Variants in RIMS2 observed in about 807,000 individuals in gnomAD.
The protein encoded by RIMS2 is regulating synaptic membrane exocytosis 2, also known as regulating synaptic membrane exocytosis protein 2.
A neutral mutation model predicts 174.4 loss-of-function variants in RIMS2; 59 were observed. The observed-to-expected ratio is 0.34, with a 90% CI of 0.27 to 0.42. The LOEUF (loss-of-function observed/expected upper bound fraction) is 0.42, where lower values mean the gene tolerates loss of function less well. Among genes scored for constraint, RIMS2 ranks in the 10% least tolerant of loss-of-function variants. The pLI is 1.00. For synonymous variants in RIMS2, 606 were observed against 572.5 expected (o/e 1.06, Z -0.84); for missense variants, 1,620 against 1,666.3 (o/e 0.97, Z 0.48).
chr8:103,857,114 T>C (rs1482873465), intron 3 of RIMS2, among the ~76,000 whole-genome samples: 1 of 152,226 alleles, frequency 6.6e-6, no homozygotes, highest in Non-Finnish European at 1.5e-5. Context: ...ATAGCTGAGA[T>C]ACGGTGTTAC....
intron 19 of RIMS2, among the ~76,000 whole-genome samples, chr8:104,153,699 G>C (rs1264135602): frequency 6.6e-6 from 1 of 152,028 alleles, no homozygotes; most frequent in East Asian, 1.9e-4. Flanking sequence ...GAATCAAGAA[G>C]AAAACTAAAG....
chr8:103,739,962 A>T (rs1019810070), intron 2 of RIMS2, among the ~76,000 whole-genome samples: 4 of 152,112 alleles, frequency 2.6e-5, no homozygotes, highest in Non-Finnish European at 5.9e-5. Context: ...AGCAATTTTT[A>T]TTATATTGGA....
At chr8:103,625,280 A>T (rs2095754688) in intron 1 of RIMS2, among the ~76,000 whole-genome samples, 1 of 152,164 alleles carries the variant, frequency 6.6e-6, no homozygotes, top group Non-Finnish European at 1.5e-5. Context: ...TCAGGCACAA[A>T]GTTGAGGCAC....
At chr8:103,795,870 A>G (rs1043320766) in intron 3 of RIMS2, among the ~76,000 whole-genome samples, 2 of 152,190 alleles carry the variant, frequency 1.3e-5, no homozygotes, top group East Asian at 1.9e-4. Context: ...TCCAAGTTCT[A>G]TAATCTTACC....
At chr8:104,213,747 C>T (rs144465087) in intron 19 of RIMS2, among the ~76,000 whole-genome samples, 3 of 151,644 alleles carry the variant, frequency 2.0e-5, no homozygotes, top group Admixed American at 6.6e-5. Flanking sequence ...CGTGGTGGCA[C>T]GCGCCTGTAG....
chr8:103,937,351 T>C (rs148134192), intron 13 of RIMS2, among the ~76,000 whole-genome samples: 332 of 152,308 alleles, frequency 2.2e-3, no homozygotes, highest in African/African-American at 7.5e-3. Context: ...TTTATAGTGA[T>C]ATGTATATAT....
intron 1 of RIMS2, among the ~76,000 whole-genome samples, chr8:103,621,350 T>C (rs1305997685): frequency 1.3e-5 from 2 of 152,198 alleles, no homozygotes; most frequent in African/African-American, 4.8e-5. Flanking sequence ...CATTCTGTAT[T>C]TGTCCCGATT....
intron 19 of RIMS2, among the ~76,000 whole-genome samples, chr8:104,026,460 G>C (rs2096260226): frequency 6.6e-6 from 1 of 152,016 alleles, no homozygotes; most frequent in Non-Finnish European, 1.5e-5. Flanking sequence ...TTGGCTGTTA[G>C]TGATTAATTC....
chr8:103,940,642 G>GA (rs2082310921), intron 13 of RIMS2, among the ~76,000 whole-genome samples: 1 of 152,038 alleles, frequency 6.6e-6, no homozygotes, highest in Admixed American at 6.5e-5. Flanking sequence ...TTGGGAGGCC[G>GA]AGGGGGGCAG....
At chr8:103,620,082 A>G (rs2095600760) in intron 1 of RIMS2, among the ~76,000 whole-genome samples, 1 of 152,166 alleles carries the variant, frequency 6.6e-6, no homozygotes, top group Non-Finnish European at 1.5e-5. Flanking sequence ...ATGAGCCACT[A>G]TACTTATGAA....
chr8:103,909,154 A>G (rs1345856856), intron 4 of RIMS2, among the ~76,000 whole-genome samples: 2 of 152,060 alleles, frequency 1.3e-5, no homozygotes, highest in South Asian at 4.1e-4. Context: ...CTGTTTCTCT[A>G]TCCCTACTCT....
intron 19 of RIMS2, among the ~76,000 whole-genome samples, chr8:104,148,141 C>T (rs1233165327): frequency 6.7e-6 from 1 of 148,724 alleles, no homozygotes; most frequent in East Asian, 2.0e-4. Flanking sequence ...TACAGGGCCA[C>T]TCTTGAAATG....
chr8:104,187,152 A>G (rs2098972570), intron 19 of RIMS2, among the ~76,000 whole-genome samples: 2 of 151,790 alleles, frequency 1.3e-5, no homozygotes, highest in Admixed American at 1.3e-4. Flanking sequence ...TAATCTATGC[A>G]AAAGTCATTG....
chr8:104,202,570 C>G (rs532582363), intron 19 of RIMS2, among the ~76,000 whole-genome samples: 6 of 152,204 alleles, frequency 3.9e-5, no homozygotes, highest in Admixed American at 2.6e-4. Flanking sequence ...CAAGATCAAG[C>G]GTCCAGCAGG....
rs552193723 is a variant in RIMS2 at position 104,007,537 on chromosome 8, G to A, written c.3045-5905G>A. 2.0e-5 allele frequency among the ~76,000 whole-genome samples: 3 copies of A among 152,016 alleles called. No homozygotes were observed. In the East Asian group the frequency reaches 5.8e-4, roughly 29 times the overall value. On this transcript the variant is annotated intron_variant, in intron 17 of 23. Coordinates refer to ENST00000504942, the Ensembl canonical transcript of RIMS2. ...CTATTTTATCTTCCATCATCTATGT[G>A]TCTGCTGAAATTTCCCCATCTGTTC...
chr8:103,647,998 G>C (rs1271030423), intron 1 of RIMS2, among the ~76,000 whole-genome samples: 1 of 150,456 alleles, frequency 6.6e-6, no homozygotes, highest in African/African-American at 2.4e-5. Context: ...TTTGCCAGTT[G>C]TTTTAGGTGT....
intron 19 of RIMS2, among the ~76,000 whole-genome samples, chr8:104,087,803 C>T (rs1243941885): frequency 6.6e-6 from 1 of 152,090 alleles, no homozygotes; most frequent in Admixed American, 6.6e-5. Context: ...AAATTCAGTG[C>T]CTCAGTCTCC....
chr8:103,668,824 G>A (rs1010975419), intron 1 of RIMS2, among the ~76,000 whole-genome samples: 1 of 152,028 alleles, frequency 6.6e-6, no homozygotes, highest in African/African-American at 2.4e-5. Flanking sequence ...GGGATTATGG[G>A]TAGAAGCCAC....
intron 19 of RIMS2, among the ~76,000 whole-genome samples, chr8:104,229,769 C>T (rs1326964997): frequency 6.7e-6 from 1 of 150,366 alleles, no homozygotes; most frequent in Non-Finnish European, 1.5e-5. Flanking sequence ...CAGTCCCACT[C>T]CCAAATTCCC....
Sources: gnomAD v4.1 joint callset for allele counts (sites outside exome capture counted in the v4.1 genomes callset) on GRCh38, gnomAD v4.1.1 for gene constraint, MANE v1.5 for transcripts, NCBI Gene and HGNC (gene_info 2026-07-23, HGNC 2026-07-21) for gene names.